CFAP44: variants seen among roughly 807,000 people sequenced by gnomAD.
The protein encoded by CFAP44 is cilia and flagella associated protein 44.
Under a neutral mutation model 216.2 loss-of-function variants are expected in CFAP44, and 134 were observed. That is an observed-to-expected ratio of 0.62 (90% confidence interval 0.54 to 0.72). The LOEUF is 0.72. Ranked by LOEUF, CFAP44 falls within the 30% of genes least tolerant of loss-of-function variation. The pLI, the probability that CFAP44 is intolerant of heterozygous loss-of-function variation, is 0.00. For missense variants in CFAP44, 2,035 were observed against 2,182.1 expected (o/e 0.93, Z 1.34); for synonymous variants, 700 against 727.6 (o/e 0.96, Z 0.61).
chr3:113,432,050 T>C (rs1438651277), intron 2 of CFAP44: 1 of 152,160 alleles, frequency 6.6e-6, no homozygotes, highest in Non-Finnish European at 1.5e-5. Context: ...CAGAAAGATG[T>C]GGTAATGTTT....
intron 32 of CFAP44, among the ~76,000 whole-genome samples, chr3:113,298,131 C>A (rs1299721542): frequency 1.3e-5 from 2 of 152,230 alleles, no homozygotes; most frequent in African/African-American, 4.8e-5. Flanking sequence ...TAGCCCCACC[C>A]CCATACAAGG....
At chr3:113,433,731 C>T (rs1935168104) in intron 1 of CFAP44, 62 bp from the exon 2 acceptor site, 1 of 1,261,470 alleles carries the variant, frequency 7.9e-7, no homozygotes, top group Non-Finnish European at 1.2e-6. Context: ...TAACAGATTT[C>T]CCCCTAACAT....
intron 19 of CFAP44, 132 bp from the exon 20 acceptor site, chr3:113,363,664 G>T: frequency 1.3e-6 from 1 of 766,046 alleles, no homozygotes; most frequent in Non-Finnish European, 1.9e-6. Context: ...ATAATTATAG[G>T]TCTGAAAATC....
At position 113,341,786 on chromosome 3, in the gene CFAP44, G is replaced by C. The variant is rs1576557089; in HGVS notation, c.3395C>G (p.Ala1132Gly). 1 of 1,521,514 alleles carries C rather than the reference G, an allele frequency of 6.6e-7. No individual in the cohort carries two copies. Among genetic ancestry groups the C allele is most frequent in the Admixed American group, 2.1e-5 (1 of 47,502 alleles). The allele number at this position is 1,521,514 out of a possible 1,614,324, so 94.3% of individuals were successfully genotyped here. A position where few individuals can be genotyped will look rare whatever the true frequency, so the allele number is the denominator to read the frequency against. The stretch of plus-strand genomic sequence containing the variant: ...TTTTCGCTGTTGAATCTTTAGTTGT[G>C]CCCTTTCAGCTTTTAATATAAGTTT... ...TRKLILKAER[A>G]QLKIQQRKKE... is the part of the protein sequence containing the mutation. Residue 1132 changes from alanine (A) to glycine (G), a missense_variant, in exon 24 of 35, where the codon GCA becomes GGA. Ala to Gly is a moderately conservative substitution (Grantham distance 60). Coordinates refer to ENST00000393845, the MANE Select transcript of CFAP44 (RefSeq NM_001164496.2).
At chr3:113,351,735 T>C (rs1405058856) in intron 22 of CFAP44, among the ~76,000 whole-genome samples, 2 of 137,024 alleles carry the variant, frequency 1.5e-5, no homozygotes, top group Admixed American at 1.4e-4. Flanking sequence ...TTGGGCGACA[T>C]GGCTTCTCCC....
At chr3:113,423,146 ACTTTGTCACC>A (rs1934865649) in intron 4 of CFAP44, among the ~76,000 whole-genome samples, 1 of 110,824 alleles carries the variant, frequency 9.0e-6, no homozygotes, top group Non-Finnish European at 1.7e-5. Context: ...ATGGGGTCTC[ACTTTGTCACC>A]CAGCCTGGAG....
At chr3:113,418,850 G>A (rs959633409) in intron 5 of CFAP44, among the ~76,000 whole-genome samples, 9 of 152,014 alleles carry the variant, frequency 5.9e-5, no homozygotes, top group South Asian at 2.1e-4. Context: ...GATTACAGGC[G>A]CGTGCCACCA....
chr3:113,297,558 GA>G (rs1338081305), intron 32 of CFAP44, among the ~76,000 whole-genome samples: 1 of 152,150 alleles, frequency 6.6e-6, no homozygotes, highest in African/African-American at 2.4e-5. Flanking sequence ...TCTAGCCAGG[GA>G]TAACTACATA....
chr3:113,328,696 T>A (rs6762004), intron 26 of CFAP44, among the ~76,000 whole-genome samples: 5,759 of 28,524 alleles, frequency 0.2, 989 homozygotes, highest in African/African-American at 0.38. Flanking sequence ...TTAGAGAGCT[T>A]AAAAAAAAAA....
At chr3:113,330,970 T>A (rs1950236729) in intron 25 of CFAP44, among the ~76,000 whole-genome samples, 1 of 152,144 alleles carries the variant, frequency 6.6e-6, no homozygotes, top group South Asian at 2.1e-4. Context: ...TATCACTCCA[T>A]GGAAGTCCTT....
chr3:113,388,012 C>T (rs1324865165), intron 15 of CFAP44, among the ~76,000 whole-genome samples: 3 of 152,008 alleles, frequency 2.0e-5, no homozygotes, highest in Non-Finnish European at 4.4e-5. Context: ...GGTTGGAGTG[C>T]CAGTTCAGCC....
intron 15 of CFAP44, among the ~76,000 whole-genome samples, chr3:113,385,363 G>A (rs1427618431): frequency 6.6e-6 from 1 of 152,154 alleles, no homozygotes; most frequent in African/African-American, 2.4e-5. Flanking sequence ...AAAGAAACAG[G>A]ATCAACCAGG....
chr3:113,358,685 A>G, intron 22 of CFAP44, 60 bp downstream of exon 22: 1 of 1,524,162 alleles, frequency 6.6e-7, no homozygotes, highest in Non-Finnish European at 8.8e-7. Flanking sequence ...ACTACTATAA[A>G]CTATGTTATT....
intron 23 of CFAP44, among the ~76,000 whole-genome samples, chr3:113,342,193 C>T (rs539938058): frequency 6.6e-5 from 10 of 151,988 alleles, no homozygotes; most frequent in East Asian, 1.9e-4. Flanking sequence ...ATTAGCCAGC[C>T]GTGGTGGTGC....
At chr3:113,307,537 G>C (rs1368846614) in intron 29 of CFAP44, among the ~76,000 whole-genome samples, 4 of 152,080 alleles carry the variant, frequency 2.6e-5, no homozygotes, top group Admixed American at 2.6e-4. Flanking sequence ...CTGTTTAATT[G>C]ACTTCTTATA....
chr3:113,403,798 T>G, intron 9 of CFAP44, 54 bp downstream of exon 9: 164 of 1,535,410 alleles, frequency 1.1e-4, no homozygotes, highest in Middle Eastern at 1.7e-4. Flanking sequence ...ACCCTTTGGG[T>G]GAGCTACAAG....
intron 21 of CFAP44, chr3:113,360,262 G>T: frequency 5.9e-6 from 1 of 169,916 alleles, no homozygotes; most frequent in South Asian, 1.4e-4. Context: ...CTTAGACATG[G>T]CCATGTTATT....
intron 1 of CFAP44, among the ~76,000 whole-genome samples, chr3:113,436,825 T>C (rs187089636): frequency 2.0e-5 from 3 of 152,234 alleles, no homozygotes; most frequent in Non-Finnish European, 2.9e-5. Flanking sequence ...TGTAAGTAGG[T>C]ACTGTTTAGT....
chr3:113,361,267 T>C lies in CFAP44; in HGVS notation c.2934+1878A>G, dbSNP rs141641699. 2.3e-5 allele frequency: 5 copies of C among 220,024 alleles called. No individual in the cohort carries two copies. In the East Asian group the frequency reaches 5.5e-4, roughly 24 times the overall value. 13.6% of individuals were successfully genotyped at this position (220,024 alleles called of 1,614,324 possible). ...TCATCTGTCAGTCCTACTTTTGGCA[T>C]GCCTGAAGAAGTGCTTCAGAGGGTG... On this transcript the variant is annotated intron_variant, in intron 21 of 34. Transcript: ENST00000393845.
Sources: gnomAD v4.1 joint callset for allele counts (sites outside exome capture counted in the v4.1 genomes callset) on GRCh38, gnomAD v4.1.1 for gene constraint, MANE v1.5 for transcripts, NCBI Gene and HGNC (gene_info 2026-07-23, HGNC 2026-07-21) for gene names.